Variants in PRAG1 observed in about 807,000 individuals in gnomAD.
PRAG1 encodes PEAK1 related, kinase-activating pseudokinase 1.
Under a neutral mutation model 95.6 loss-of-function variants are expected in PRAG1, and 110 were observed. The ratio of observed to expected loss-of-function variants is 1.15; its 90% confidence interval spans 0.99 to 1.35. PRAG1 has a LOEUF of 1.35. Ranked by LOEUF, PRAG1 falls within the 40% of genes most tolerant of loss-of-function variation. The pLI is 0.00. For synonymous variants in PRAG1, 1,052 were observed against 819.4 expected, an observed-to-expected ratio of 1.28 and a Z score of -4.85; for missense variants, 2,554 against 1,864.7, an observed-to-expected ratio of 1.37 and a Z score of -6.81.
chr8:8,353,906 C>A (rs534979688), intron 3 of PRAG1, among the ~76,000 whole-genome samples: 10 of 150,698 alleles, frequency 6.6e-5, no homozygotes, highest in Non-Finnish European at 1.3e-4. Context: ...CCACCCATTG[C>A]ACAAGGGAGG....
chr8:8,380,807 C>T (rs567067676), intron 2 of PRAG1, among the ~76,000 whole-genome samples: 3 of 139,996 alleles, frequency 2.1e-5, no homozygotes, highest in South Asian at 2.2e-4. Flanking sequence ...GAGCTGAGAT[C>T]GCACCACTAC....
chr8:8,332,807 A>ACCTCCTC lies in PRAG1; in HGVS notation c.2321-4353_2321-4347dup, dbSNP rs1174608008. Among the ~76,000 whole-genome samples the ACCTCCTC allele has an allele frequency of 9.9e-5, 15 of 151,932 alleles. 1 individual carries two copies. The highest frequency in any genetic ancestry group is 7.9e-4 in the Admixed American group (12 of 15,232). ...ATGGAATCTAAAGGCACTCCTAAAG[A>ACCTCCTC]CCTCCTCTGGCTAATTCTCTTGACT... On this transcript the variant is annotated intron_variant, in intron 4 of 5. Transcript: ENST00000615670.
In PRAG1 at chr8:8,358,477, TC is replaced by T. The variant is rs1349097464; in HGVS notation, c.2162+17769del. Among the ~76,000 whole-genome samples the T allele has an allele frequency of 2.0e-5, 3 of 152,184 alleles. No individual in the cohort carries two copies. The East Asian group carries it at 5.8e-4, about 29-fold the overall frequency. ...GTGGGTTGGAGTGGGACTGAAAGTC[TC>T]AACCCTCTAATCTTGTCTTGGTTTT... On this transcript the variant is annotated intron_variant, in intron 3 of 5. Transcript: ENST00000615670.
rs776678248 is a variant in PRAG1, at chr8:8,377,524, G to A, written c.885C>T (p.Ser295=). 2.7e-5 allele frequency: 43 copies of A among 1,578,748 alleles called. No individual in the cohort carries two copies. The highest frequency in any genetic ancestry group is 1.7e-4 in the Middle Eastern group (1 of 5,882). ...SPTCWEQGKC[S]GPAEQEKRGP... ...CCCGCTTCTCCTGCTCTGCGGGCCC[G>A]GAACACTTCCCCTGCTCCCAGCACG... is the stretch of plus-strand genomic sequence containing the variant. Residue 295 remains serine (S), a synonymous_variant, in exon 3 of 6, where the codon TCC becomes TCT. Coordinates refer to ENST00000615670, the MANE Select transcript of PRAG1 (RefSeq NM_001080826.3).
chr8:8,374,499 C>A (rs1339796305), intron 3 of PRAG1: 1 of 272,138 alleles, frequency 3.7e-6, no homozygotes, highest in African/African-American at 2.3e-5. Context: ...GCTGGTTACC[C>A]TAGCTTTCTA....
At chr8:8,374,175 A>C (rs13280051) in intron 3 of PRAG1, among the ~76,000 whole-genome samples, 1 of 152,008 alleles carries the variant, frequency 6.6e-6, no homozygotes, top group African/African-American at 2.4e-5. Flanking sequence ...TCAAAGTACT[A>C]TTATCATCTC....
At chr8:8,367,348 C>T (rs1275237292) in intron 3 of PRAG1, among the ~76,000 whole-genome samples, 2 of 150,842 alleles carry the variant, frequency 1.3e-5, no homozygotes, top group Non-Finnish European at 3.0e-5. Context: ...ATCCCAGCTA[C>T]TCGGGAGGAT....
intron 2 of PRAG1, among the ~76,000 whole-genome samples, chr8:8,379,540 A>C (rs1040195194): frequency 6.6e-6 from 1 of 152,194 alleles, no homozygotes; most frequent in South Asian, 2.1e-4. Context: ...AGGGGACATC[A>C]AGTTCACTGC....
At chr8:8,358,448 C>T (rs912072454) in intron 3 of PRAG1, among the ~76,000 whole-genome samples, 1 of 152,182 alleles carries the variant, frequency 6.6e-6, no homozygotes, top group Non-Finnish European at 1.5e-5. Context: ...CTCTCCCCAA[C>T]CCTGTGGGTT....
chr8:8,379,002 G>C (rs1346121895), intron 2 of PRAG1, among the ~76,000 whole-genome samples: 4 of 151,976 alleles, frequency 2.6e-5, no homozygotes, highest in Non-Finnish European at 4.4e-5. Context: ...ATCAGAGTGA[G>C]GGGTAGTTTC....
intron 5 of PRAG1, among the ~76,000 whole-genome samples, chr8:8,320,822 C>T (rs570322253): frequency 1.3e-5 from 2 of 152,144 alleles, no homozygotes; most frequent in African/African-American, 4.8e-5. Context: ...CACCTTTTCA[C>T]GGAGATTTAT....
At chr8:8,381,372 C>G (rs779292370) in intron 2 of PRAG1, 46 bp downstream of exon 2, 3 of 1,549,278 alleles carry the variant, frequency 1.9e-6, no homozygotes, top group Non-Finnish European at 2.6e-6. Context: ...AGTGTTCAAA[C>G]AGGAGCAGCC....
At chr8:8,370,782 T>C (rs1308219428) in intron 3 of PRAG1, among the ~76,000 whole-genome samples, 1 of 152,154 alleles carries the variant, frequency 6.6e-6, no homozygotes, top group Non-Finnish European at 1.5e-5. Flanking sequence ...GCCACTTCTG[T>C]GGACAGAAAC....
chr8:8,324,529 G>A (rs1585217954), intron 5 of PRAG1, among the ~76,000 whole-genome samples: 1 of 152,170 alleles, frequency 6.6e-6, no homozygotes, highest in South Asian at 2.1e-4. Flanking sequence ...GGGAAGGGGC[G>A]GTGGGGGAGG....
intron 3 of PRAG1, among the ~76,000 whole-genome samples, chr8:8,354,695 T>A (rs1021996146): frequency 8.5e-5 from 13 of 152,094 alleles, no homozygotes; most frequent in Admixed American, 2.0e-4. Context: ...TAAATTGACA[T>A]AGAAAAAGCA....
In PRAG1 at chr8:8,328,149, G is replaced by A. The variant is rs781629031; in HGVS notation, c.2633C>T (p.Ser878Phe). ...PGNRHHPVFSSSDPLEKAFKG... is the reference protein window; with the variant it reads ...PGNRHHPVFSFSDPLEKAFKG... ...GAAAGCTTTCTCCAGAGGATCGGAA[G>A]AGGAGAAGACAGGATGGTGGCGGTT... The change falls in exon 5 of 6, where the codon TCT becomes TTT. Residue 878 changes from serine to phenylalanine, a missense_variant. By Grantham distance (155) the Ser-to-Phe change is radical (BLOSUM62 -2). Coordinates refer to ENST00000615670, the MANE Select transcript of PRAG1 (RefSeq NM_001080826.3). The A allele has an allele frequency of 1.2e-6, 2 of 1,613,514 alleles. No homozygotes were observed. Among genetic ancestry groups the A allele is most frequent in the Admixed American group, 1.7e-5 (1 of 60,036 alleles).
chr8:8,372,896 C>T (rs761955247), intron 3 of PRAG1, among the ~76,000 whole-genome samples: 29 of 152,234 alleles, frequency 1.9e-4, no homozygotes, highest in South Asian at 4.2e-4. Flanking sequence ...AGGAAGCAGA[C>T]GATCTGTCTC....
chr8:8,356,504 C>T (rs1258336267), intron 3 of PRAG1, among the ~76,000 whole-genome samples: 1 of 152,082 alleles, frequency 6.6e-6, no homozygotes, highest in Non-Finnish European at 1.5e-5. Flanking sequence ...TGCCACTGTG[C>T]CCAGCTAATT....
At chr8:8,370,765 T>C (rs1487494661) in intron 3 of PRAG1, among the ~76,000 whole-genome samples, 1 of 152,176 alleles carries the variant, frequency 6.6e-6, no homozygotes, top group Non-Finnish European at 1.5e-5. Context: ...CTCTGGTTAC[T>C]GATGTGGCCA....
Sources: gnomAD v4.1 joint callset for allele counts (sites outside exome capture counted in the v4.1 genomes callset) on GRCh38, gnomAD v4.1.1 for gene constraint, MANE v1.5 for transcripts, NCBI Gene and HGNC (gene_info 2026-07-23, HGNC 2026-07-21) for gene names.